CDH18: variants seen among roughly 807,000 people sequenced by gnomAD.
The protein encoded by CDH18 is cadherin 18.
A neutral mutation model predicts 67.9 loss-of-function variants in CDH18; 31 were observed. That is an observed-to-expected ratio of 0.46 (90% CI 0.34 to 0.62). The LOEUF (loss-of-function observed/expected upper bound fraction) is 0.62. CDH18 is among the 20% of genes least tolerant of loss of function. The pLI is 0.01. For missense variants in CDH18, 890 were observed against 975.5 expected, an observed-to-expected ratio of 0.91 and a Z score of 1.17; for synonymous variants, 362 against 347.2, an observed-to-expected ratio of 1.04 and a Z score of -0.48.
intron 1 of CDH18, among the ~76,000 whole-genome samples, chr5:20,293,008 C>T (rs1362021235): frequency 6.6e-6 from 1 of 152,120 alleles, no homozygotes; most frequent in East Asian, 1.9e-4. Flanking sequence ...CAGCTGTTAA[C>T]TCTTGTGTTA....
intron 4 of CDH18, among the ~76,000 whole-genome samples, chr5:19,741,837 T>C (rs1392922472): frequency 2.6e-5 from 4 of 152,110 alleles, no homozygotes; most frequent in African/African-American, 9.7e-5. Context: ...CATCACTTTG[T>C]GGTTGTGGGA....
At chr5:19,845,238 T>C (rs1349678822) in intron 2 of CDH18, among the ~76,000 whole-genome samples, 1 of 152,150 alleles carries the variant, frequency 6.6e-6, no homozygotes, top group African/African-American at 2.4e-5. Flanking sequence ...CCCCAGGATA[T>C]TTCCTAATTT....
chr5:19,638,848 G>A (rs1027027771), intron 5 of CDH18, among the ~76,000 whole-genome samples: 1 of 151,954 alleles, frequency 6.6e-6, no homozygotes, highest in African/African-American at 2.4e-5. Flanking sequence ...GGATTTCCCA[G>A]CCCACGAGTT....
At chr5:19,514,114 G>C (rs1354085785) in intron 10 of CDH18, among the ~76,000 whole-genome samples, 1 of 152,082 alleles carries the variant, frequency 6.6e-6, no homozygotes, top group African/African-American at 2.4e-5. Context: ...TTCTGTCCTT[G>C]TGATAGTTTG....
chr5:20,034,153 G>T (rs1490169938), intron 2 of CDH18, among the ~76,000 whole-genome samples: 1 of 151,994 alleles, frequency 6.6e-6, no homozygotes, highest in African/African-American at 2.4e-5. Context: ...ACATGAAAAT[G>T]AGAAATTGAT....
At position 20,318,587 on chromosome 5, in the gene CDH18, C is replaced by G. The variant is rs530590174; in HGVS notation, c.-579-63082G>C. Among the ~76,000 whole-genome samples, 288 of 152,108 alleles carry G rather than the reference C, an allele frequency of 1.9e-3. 1 individual carries two copies. Among genetic ancestry groups the G allele is most frequent in the African/African-American group, 6.4e-3 (267 of 41,510 alleles). On this transcript the variant is annotated intron_variant, in intron 1 of 14. Coordinates refer to the CDH18 transcript ENST00000507958. The stretch of plus-strand genomic sequence containing the variant: ...GTTTAAATGTGTGTGGGGCCTCCTC[C>G]CTTGTTGTCTCTTCCTCCTGCTCCC...
chr5:19,747,977 G>A (rs1045169393), intron 3 of CDH18, among the ~76,000 whole-genome samples: 1 of 150,478 alleles, frequency 6.6e-6, no homozygotes, highest in Non-Finnish European at 1.5e-5. Flanking sequence ...GCCGGGCGTG[G>A]TGGCGGGCGC....
chr5:19,859,303 A>G (rs1226147051), intron 2 of CDH18, among the ~76,000 whole-genome samples: 2 of 152,158 alleles, frequency 1.3e-5, no homozygotes, highest in Non-Finnish European at 2.9e-5. Flanking sequence ...GACAAAACAG[A>G]CTTTTGGTAG....
chr5:20,341,716 G>A (rs1324127999), intron 1 of CDH18, among the ~76,000 whole-genome samples: 2 of 151,902 alleles, frequency 1.3e-5, no homozygotes, highest in South Asian at 2.1e-4. Flanking sequence ...GGTTTCTGAA[G>A]TTGGCTGCTT....
chr5:20,148,652 A>C (rs1224535729), intron 2 of CDH18, among the ~76,000 whole-genome samples: 1 of 152,100 alleles, frequency 6.6e-6, no homozygotes, highest in Non-Finnish European at 1.5e-5. Flanking sequence ...GAGTTTCTAA[A>C]CTTAATTATT....
chr5:20,354,705 C>A (rs538636630), intron 1 of CDH18, among the ~76,000 whole-genome samples: 58 of 152,252 alleles, frequency 3.8e-4, no homozygotes, highest in African/African-American at 1.3e-3. Flanking sequence ...AACCACCGTG[C>A]CTGTCTCAAC....
At chr5:19,765,598 T>C (rs762504196) in intron 3 of CDH18, among the ~76,000 whole-genome samples, 16 of 152,130 alleles carry the variant, frequency 1.1e-4, no homozygotes, top group Non-Finnish European at 2.1e-4. Context: ...ACAATGAAGC[T>C]AATTCAATAC....
At chr5:19,743,326 A>G (rs1159502116) in intron 4 of CDH18, among the ~76,000 whole-genome samples, 1 of 152,174 alleles carries the variant, frequency 6.6e-6, no homozygotes, top group African/African-American at 2.4e-5. Context: ...CTATGACACC[A>G]TCCTCTAATT....
intron 1 of CDH18, among the ~76,000 whole-genome samples, chr5:20,569,274 C>A (rs958439006): frequency 6.6e-6 from 1 of 152,140 alleles, no homozygotes; most frequent in African/African-American, 2.4e-5. Context: ...AAAACATTTT[C>A]AAAATCATTT....
At chr5:20,044,083 T>C (rs953992671) in intron 2 of CDH18, among the ~76,000 whole-genome samples, 1 of 152,160 alleles carries the variant, frequency 6.6e-6, no homozygotes. Flanking sequence ...AATTAGTATA[T>C]TAGTAAATAC....
At chr5:19,860,817 T>C (rs957279678) in intron 2 of CDH18, among the ~76,000 whole-genome samples, 23 of 152,074 alleles carry the variant, frequency 1.5e-4, no homozygotes, top group Non-Finnish European at 2.5e-4. Flanking sequence ...ACCGAAAATA[T>C]TCTTCTGAAC....
intron 1 of CDH18, among the ~76,000 whole-genome samples, chr5:20,467,440 T>C (rs1299230516): frequency 6.6e-6 from 1 of 152,098 alleles, no homozygotes; most frequent in East Asian, 1.9e-4. Flanking sequence ...GGTATGGCTA[T>C]AAAATGGAAA....
At chr5:19,759,761 G>A (rs575043840) in intron 3 of CDH18, among the ~76,000 whole-genome samples, 11 of 152,182 alleles carry the variant, frequency 7.2e-5, no homozygotes, top group Admixed American at 2.6e-4. Context: ...GGGAAGGAGG[G>A]GAAAAATATT....
intron 2 of CDH18, among the ~76,000 whole-genome samples, chr5:20,018,284 A>G (rs1252599948): frequency 3.3e-5 from 5 of 152,208 alleles, no homozygotes; most frequent in African/African-American, 9.7e-5. Flanking sequence ...ACATTGATAC[A>G]GGTAGAAGTA....
Sources: gnomAD v4.1 joint callset for allele counts (sites outside exome capture counted in the v4.1 genomes callset) on GRCh38, gnomAD v4.1.1 for gene constraint, MANE v1.5 for transcripts, NCBI Gene and HGNC (gene_info 2026-07-23, HGNC 2026-07-21) for gene names.